The following SPIDR variants were observed in gnomAD, a reference collection of about 807,000 sequenced individuals.
SPIDR encodes the protein DNA repair-scaffolding protein.
A neutral mutation model predicts 104.6 loss-of-function variants in SPIDR; 93 were observed. That is an observed-to-expected ratio of 0.89 (90% CI 0.75 to 1.06). The LOEUF (loss-of-function observed/expected upper bound fraction) is 1.06, where lower values mean the gene tolerates loss of function less well. Among genes scored for constraint, SPIDR ranks in the 50% least tolerant of loss-of-function variants. The pLI, the probability that SPIDR is intolerant of heterozygous loss-of-function variation, is 0.00. For missense variants in SPIDR, 1,154 were observed against 1,111.2 expected, an observed-to-expected ratio of 1.04 and a Z score of -0.55; for synonymous variants, 431 against 416.9, an observed-to-expected ratio of 1.03 and a Z score of -0.41.
chr8:47,470,280 CGTTTTT>C (rs1355625480), intron 8 of SPIDR, among the ~76,000 whole-genome samples: 4 of 151,884 alleles, frequency 2.6e-5, no homozygotes, highest in African/African-American at 7.3e-5. Context: ...TTTTGTTTTT[CGTTTTT>C]GTTTTTGTTT....
In SPIDR at chr8:47,376,797, T is replaced by A. The variant is rs546497763; in HGVS notation, c.526-19579T>A. ...TTGAGATTTTCCTTAAAAAAAAAAA[T>A]TTTTTTTAACCTAGTAAAGAAATTG... is the stretch of plus-strand genomic sequence containing the variant. On this transcript the variant is annotated intron_variant, in intron 5 of 19. Coordinates refer to ENST00000297423, the MANE Select transcript of SPIDR (RefSeq NM_001080394.4). Among the ~76,000 whole-genome samples, 186 of 151,440 alleles carry A rather than the reference T, an allele frequency of 1.2e-3. 1 individual carries two copies. Among genetic ancestry groups the A allele is most frequent in the East Asian group, 4.3e-3 (22 of 5,168 alleles).
At chr8:47,261,303 T>C (rs761138843) in intron 1 of SPIDR, among the ~76,000 whole-genome samples, 45 of 152,202 alleles carry the variant, frequency 3.0e-4, no homozygotes, top group Non-Finnish European at 5.9e-4. Flanking sequence ...GGCCTTACTC[T>C]TGTCTCTTTT....
intron 2 of SPIDR, 119 bp from the exon 3 acceptor site, chr8:47,283,909 G>A: frequency 1.5e-6 from 1 of 668,586 alleles, no homozygotes. Flanking sequence ...TGGTGAATTG[G>A]TAAAGGAAAT....
chr8:47,324,703 T>C (rs1462727070), intron 5 of SPIDR, among the ~76,000 whole-genome samples: 4 of 152,216 alleles, frequency 2.6e-5, no homozygotes, highest in African/African-American at 9.6e-5. Context: ...GTTCACCAAT[T>C]ACTTGGAAGA....
At chr8:47,302,461 C>T (rs1049698623) in intron 5 of SPIDR, among the ~76,000 whole-genome samples, 21 of 152,258 alleles carry the variant, frequency 1.4e-4, no homozygotes, top group Admixed American at 3.3e-4. Context: ...AGTCACTCTC[C>T]GTCCAGCTTT....
intron 8 of SPIDR, among the ~76,000 whole-genome samples, chr8:47,578,088 A>G (rs2059324751): frequency 6.6e-6 from 1 of 152,204 alleles, no homozygotes; most frequent in South Asian, 2.1e-4. Flanking sequence ...ATACTAAGGT[A>G]TTCAGTTTTC....
rs111425619 is a variant in SPIDR, at chr8:47,563,738, A to G, written c.1098-32073A>G. ...TGCTCATTGTCTCTAAGGTGATCTAAATTTTATTCTAATTCTGGGAGAAAC... is the reference window on the plus strand; with the variant it reads ...TGCTCATTGTCTCTAAGGTGATCTAGATTTTATTCTAATTCTGGGAGAAAC... On this transcript the variant is annotated intron_variant, in intron 8 of 19. Coordinates refer to ENST00000297423, the MANE Select transcript of SPIDR (RefSeq NM_001080394.4). Among the ~76,000 whole-genome samples the G allele has an allele frequency of 1.1e-3, 171 of 152,278 alleles. 1 individual carries two copies. Among genetic ancestry groups the G allele is most frequent in the African/African-American group, 3.9e-3 (162 of 41,560 alleles).
chr8:47,265,052 T>C (rs2033610868), intron 1 of SPIDR, among the ~76,000 whole-genome samples: 1 of 152,172 alleles, frequency 6.6e-6, no homozygotes, highest in Non-Finnish European at 1.5e-5. Flanking sequence ...TTTTCAGTGA[T>C]GGCAGGAAAT....
intron 10 of SPIDR, among the ~76,000 whole-genome samples, chr8:47,641,309 G>A (rs1254627299): frequency 6.6e-6 from 1 of 152,098 alleles, no homozygotes; most frequent in Non-Finnish European, 1.5e-5. Context: ...ACAGGTGTGA[G>A]CCACTGTGCC....
chr8:47,438,237 C>T (rs2154342442), intron 7 of SPIDR, among the ~76,000 whole-genome samples: 1 of 152,324 alleles, frequency 6.6e-6, no homozygotes, highest in East Asian at 1.9e-4. Flanking sequence ...GCCCTGACAG[C>T]TGCTGCTGTC....
intron 14 of SPIDR, among the ~76,000 whole-genome samples, chr8:47,711,332 G>A (rs2081858232): frequency 6.6e-6 from 1 of 152,004 alleles, no homozygotes; most frequent in African/African-American, 2.4e-5. Context: ...TTTGGTTTTG[G>A]GGTTTTTTTA....
At chr8:47,529,018 CA>C (rs1469203018) in intron 8 of SPIDR, among the ~76,000 whole-genome samples, 1 of 152,138 alleles carries the variant, frequency 6.6e-6, no homozygotes, top group Non-Finnish European at 1.5e-5. Flanking sequence ...GAAAAAACAC[CA>C]GAGGGGAAGC....
chr8:47,357,864 CA>C (rs1554626839), intron 5 of SPIDR: 1 of 984,780 alleles, frequency 1.0e-6, no homozygotes, highest in Non-Finnish European at 1.2e-6. Flanking sequence ...TTTAAGGCCA[CA>C]TGAAGGTCAG....
At chr8:47,609,304 A>G (rs1349709123) in intron 10 of SPIDR, among the ~76,000 whole-genome samples, 2 of 152,220 alleles carry the variant, frequency 1.3e-5, no homozygotes, top group Non-Finnish European at 2.9e-5. Flanking sequence ...GTCATAGCTA[A>G]GAAACCATTG....
At chr8:47,531,441 T>C (rs115749204) in intron 8 of SPIDR, among the ~76,000 whole-genome samples, 26 of 152,242 alleles carry the variant, frequency 1.7e-4, no homozygotes, top group African/African-American at 6.0e-4. Context: ...TTTAGAAATA[T>C]ATCCATGGTA....
intron 14 of SPIDR, among the ~76,000 whole-genome samples, chr8:47,709,887 A>AT (rs5891256): frequency 0.021 from 3,037 of 143,044 alleles, 104 homozygotes; most frequent in African/African-American, 0.041. Context: ...ATATTCACCA[A>AT]TTTTTTTTTT....
intron 8 of SPIDR, among the ~76,000 whole-genome samples, chr8:47,575,727 C>T (rs2059027340): frequency 6.6e-6 from 1 of 151,408 alleles, no homozygotes; most frequent in Non-Finnish European, 1.5e-5. Context: ...TTTGGGAGGC[C>T]AAGGCAGGTG....
At chr8:47,639,200 G>C (rs2068449222) in intron 10 of SPIDR, among the ~76,000 whole-genome samples, 1 of 152,190 alleles carries the variant, frequency 6.6e-6, no homozygotes, top group Non-Finnish European at 1.5e-5. Context: ...ACATGGGAGG[G>C]AAGGTGGAAT....
At chr8:47,587,129 T>C (rs185981116) in intron 8 of SPIDR, among the ~76,000 whole-genome samples, 18 of 152,320 alleles carry the variant, frequency 1.2e-4, no homozygotes, top group African/African-American at 4.3e-4. Flanking sequence ...CTTTCCCTAG[T>C]CCTAGATCCT....
Sources: gnomAD v4.1 joint callset for allele counts (sites outside exome capture counted in the v4.1 genomes callset) on GRCh38, gnomAD v4.1.1 for gene constraint, MANE v1.5 for transcripts, NCBI Gene and HGNC (gene_info 2026-07-23, HGNC 2026-07-21) for gene names.